Variants in CAST observed in about 807,000 individuals in gnomAD.
The protein encoded by CAST is calpastatin, also known as MIR583 host.
Under a neutral mutation model 119.6 loss-of-function variants are expected in CAST, and 76 were observed. The observed-to-expected ratio is 0.64, with a 90% CI of 0.53 to 0.77. The LOEUF is 0.77. Ranked by LOEUF, CAST falls within the 30% of genes least tolerant of loss-of-function variation. The probability of loss-of-function intolerance (pLI) is 0.00; values close to 1 mark genes in which losing one functional copy is unlikely to be tolerated. For missense variants in CAST, 953 were observed against 946.5 expected (o/e 1.01, Z -0.09); for synonymous variants, 319 against 331.6 (o/e 0.96, Z 0.41).
chr5:96,292,348 T>C, the CAST span, among the ~76,000 whole-genome samples: 1 of 152,224 alleles, frequency 6.6e-6, no homozygotes, highest in Admixed American at 6.5e-5. Context: ...AACGTAAATA[T>C]GTTTTAATGT....
chr5:96,761,717 G>A (rs1177893359), intron 24 of CAST: 2 of 152,458 alleles, frequency 1.3e-5, no homozygotes, highest in African/African-American at 2.4e-5. Flanking sequence ...AATATTTAAC[G>A]TTGAAAAAAA....
At chr5:95,961,446 C>T in the CAST span, 17 of 1,204,442 alleles carry the variant, frequency 1.4e-5, no homozygotes, top group African/African-American at 2.6e-4. Context: ...CCTGCCCTGC[C>T]TGGCCGCTGC....
the CAST span, among the ~76,000 whole-genome samples, chr5:96,419,272 G>A: frequency 6.8e-6 from 1 of 147,624 alleles, no homozygotes; most frequent in Admixed American, 6.8e-5. Flanking sequence ...TAAGTTAGAG[G>A]TATTAAATGA....
At chr5:96,096,772 G>A in the CAST span, among the ~76,000 whole-genome samples, 149 of 152,206 alleles carry the variant, frequency 9.8e-4, no homozygotes, top group African/African-American at 3.3e-3. Flanking sequence ...GGCTAGTTTT[G>A]GTTGGGTCCA....
the CAST span, among the ~76,000 whole-genome samples, chr5:96,243,331 C>A: frequency 1.4e-5 from 2 of 148,066 alleles, no homozygotes; most frequent in African/African-American, 5.0e-5. Flanking sequence ...TTTTACCAAG[C>A]TGTTACAAGA....
At chr5:96,073,860 T>A in the CAST span, among the ~76,000 whole-genome samples, 2 of 152,200 alleles carry the variant, frequency 1.3e-5, no homozygotes, top group Non-Finnish European at 2.9e-5. Context: ...CTAAAGTTCT[T>A]TCTTGATAGA....
chr5:96,257,881 C>T, the CAST span, among the ~76,000 whole-genome samples: 2 of 152,156 alleles, frequency 1.3e-5, no homozygotes, highest in African/African-American at 4.8e-5. Context: ...CATCCACAGT[C>T]GTGTACACAC....
the CAST span, among the ~76,000 whole-genome samples, chr5:96,420,642 G>T: frequency 1.3e-5 from 2 of 150,428 alleles, no homozygotes; most frequent in East Asian, 2.0e-4. Flanking sequence ...CCTGGGGTTT[G>T]TTGGCTTTCT....
At chr5:96,524,161 T>C (rs1182050204), upstream of CAST, among the ~76,000 whole-genome samples, 1 of 152,220 alleles carries the variant, frequency 6.6e-6, no homozygotes, top group Non-Finnish European at 1.5e-5. Flanking sequence ...GAGAATGTGA[T>C]TCGCATGTCA....
the CAST span, among the ~76,000 whole-genome samples, chr5:95,999,814 T>A: frequency 6.6e-6 from 1 of 152,250 alleles, no homozygotes; most frequent in Non-Finnish European, 1.5e-5. Context: ...GTTTAACTTT[T>A]TGAGAAACTG....
intron 16 of CAST, chr5:96,743,499 G>A (rs938975297): frequency 7.5e-7 from 1 of 1,337,774 alleles, no homozygotes; most frequent in Non-Finnish European, 1.0e-6. Context: ...TCAGGCTGGG[G>A]GTGCTGGCAG....
At chr5:96,768,857 C>T (rs1771038790) in intron 29 of CAST, 1 of 158,036 alleles carries the variant, frequency 6.3e-6, no homozygotes. Flanking sequence ...AGTTAGAGGC[C>T]TCTCTTCCAT....
rs1208842521 is a variant in CAST at position 96,774,532 on chromosome 5, GT to G, written c.*1918del. ...ATTATCAAAAAGGTTTCTGCACATT[GT>G]TGTGGCAATATTGTATCTGTTTAGA... On this transcript the variant is annotated 3_prime_UTR_variant, in exon 32 of 32. Coordinates refer to ENST00000675179, the MANE Select transcript of CAST (RefSeq NM_001750.7). 12 of 985,988 alleles carry G rather than the reference GT, an allele frequency of 1.2e-5. No homozygotes were observed. The African/African-American group carries it at 2.1e-4, about 17-fold the overall frequency. The allele number at this position is 985,988 out of a possible 1,614,324, so 61.1% of individuals were successfully genotyped here.
the CAST span, chr5:96,399,993 T>A: frequency 5.6e-6 from 9 of 1,614,186 alleles, no homozygotes; most frequent in Non-Finnish European, 7.6e-6. Flanking sequence ...CACTCTTTCT[T>A]CTCAGGCACG....
the CAST span, among the ~76,000 whole-genome samples, chr5:96,118,320 A>T: frequency 6.6e-6 from 1 of 152,064 alleles, no homozygotes; most frequent in East Asian, 1.9e-4. Flanking sequence ...GCAGTGCCCC[A>T]TTGTTCCCTC....
chr5:96,326,695 ATTTTTTTTTT>A, the CAST span, among the ~76,000 whole-genome samples: 1 of 95,734 alleles, frequency 1.0e-5, no homozygotes. Context: ...ATGGCTTTTC[ATTTTTTTTTT>A]TTTTTTTTTT....
chr5:96,359,412 A>C, the CAST span, among the ~76,000 whole-genome samples: 15 of 152,174 alleles, frequency 9.9e-5, no homozygotes, highest in Non-Finnish European at 2.1e-4. Context: ...TAGTTGATGC[A>C]GTTTCTTCAT....
chr5:96,624,582 T>A (rs1162513593), intron 1 of CAST, among the ~76,000 whole-genome samples: 1 of 152,216 alleles, frequency 6.6e-6, no homozygotes, highest in African/African-American at 2.4e-5. Flanking sequence ...ATAATATTTT[T>A]AATGGGCATG....
chr5:96,109,522 G>A, the CAST span, among the ~76,000 whole-genome samples: 532 of 152,248 alleles, frequency 3.5e-3, 2 homozygotes, highest in African/African-American at 4.5e-3. Context: ...ATGCTTTTTG[G>A]CAGTGATCAG....
Sources: gnomAD v4.1 joint callset for allele counts (sites outside exome capture counted in the v4.1 genomes callset) on GRCh38, gnomAD v4.1.1 for gene constraint, MANE v1.5 for transcripts, NCBI Gene and HGNC (gene_info 2026-07-23, HGNC 2026-07-21) for gene names.